Variants in FGF13 observed in about 807,000 individuals in gnomAD.
The protein encoded by FGF13 is fibroblast growth factor homologous factor 2.
A neutral mutation model predicts 19.5 loss-of-function variants in FGF13; 2 were observed. The observed-to-expected ratio is 0.10, with a 90% CI of 0.04 to 0.32. The LOEUF (loss-of-function observed/expected upper bound fraction) is 0.32, where lower values mean the gene tolerates loss of function less well. FGF13 is among the 10% of genes least tolerant of loss of function. The pLI is 1.00. For missense variants in FGF13, 113 were observed against 192.7 expected, an observed-to-expected ratio of 0.59 and a Z score of 2.45; for synonymous variants, 72 against 76.9, an observed-to-expected ratio of 0.94 and a Z score of 0.33.
chrX:138,891,906 T>G (rs928648377), intron 1 of FGF13, among the ~76,000 whole-genome samples: 1 of 110,807 alleles, frequency 9.0e-6, no homozygotes, highest in African/African-American at 3.3e-5. Context: ...CTGACTCTCC[T>G]TGCTCCCCAG....
chrX:138,678,683 T>C (rs1327672645), intron 3 of FGF13, among the ~76,000 whole-genome samples: 1 of 112,049 alleles, frequency 8.9e-6, no homozygotes, highest in Admixed American at 9.5e-5. Flanking sequence ...TAACATGAAC[T>C]TGAATGAATG....
chrX:139,170,325 T>C (rs1033428649), intron 1 of FGF13, among the ~76,000 whole-genome samples: 1 of 111,267 alleles, frequency 9.0e-6, no homozygotes, highest in African/African-American at 3.3e-5. Context: ...ATGATATTTC[T>C]AAAAGCACAC....
intron 1 of FGF13, among the ~76,000 whole-genome samples, chrX:139,040,947 A>G (rs1482827605): frequency 9.2e-6 from 1 of 109,050 alleles, no homozygotes; most frequent in Non-Finnish European, 1.9e-5. Context: ...CAGAAAACCA[A>G]TGCAGGAACA....
At chrX:138,823,199 T>C (rs918113278) in intron 3 of FGF13, among the ~76,000 whole-genome samples, 8 of 111,027 alleles carry the variant, frequency 7.2e-5, no homozygotes, top group African/African-American at 2.6e-4. Flanking sequence ...AGTTGTAATA[T>C]ATTAAACACT....
intron 1 of FGF13, among the ~76,000 whole-genome samples, chrX:139,052,999 G>T (rs2092307483): frequency 1.9e-5 from 2 of 105,142 alleles, no homozygotes; most frequent in African/African-American, 3.5e-5. Flanking sequence ...TTTATCCCTT[G>T]CCCCCCTCCC....
rs2088960437 is a variant in FGF13 at position 138,615,512 on chromosome X, T to C, written c.*17338A>G. 9.0e-6 allele frequency: 1 copy of C among 111,290 alleles called. No homozygotes were observed. The highest frequency in any genetic ancestry group is 9.6e-5 in the Admixed American group (1 of 10,432). 9.2% of individuals were successfully genotyped at this position (111,290 alleles called of 1,213,427 possible). ...ATAAGGTATAGGGAAGAGTCATATC[T>C]AGTATTTGGGAAACTGAAAGAAACC... On this transcript the variant is annotated 3_prime_UTR_variant, in exon 5 of 5. Coordinates refer to ENST00000315930, the MANE Select transcript of FGF13 (RefSeq NM_004114.5).
intron 3 of FGF13, among the ~76,000 whole-genome samples, chrX:138,782,500 G>A (rs2090653502): frequency 9.1e-6 from 1 of 110,076 alleles, no homozygotes; most frequent in South Asian, 4.0e-4. Context: ...AAAATCACAA[G>A]CATTCCTATA....
At chrX:138,965,432 G>C (rs7061825) in intron 1 of FGF13, among the ~76,000 whole-genome samples, 2,289 of 112,033 alleles carry the variant, frequency 0.02, 64 homozygotes, top group African/African-American at 0.071. Flanking sequence ...AATTAATGAA[G>C]GAATAAGTGA....
chrX:138,826,365 C>A (rs923712651), intron 3 of FGF13, among the ~76,000 whole-genome samples: 1 of 112,122 alleles, frequency 8.9e-6, no homozygotes, highest in South Asian at 3.7e-4. Context: ...AAATTTGGCA[C>A]ACCCCTTAAA....
intron 3 of FGF13, among the ~76,000 whole-genome samples, chrX:138,790,821 T>G (rs1297973520): frequency 8.9e-6 from 1 of 111,964 alleles, no homozygotes; most frequent in East Asian, 2.8e-4. Context: ...AAATGCACCA[T>G]AGTGTACCAA....
chrX:138,879,020 T>C (rs1197885797), intron 1 of FGF13, among the ~76,000 whole-genome samples: 3 of 111,787 alleles, frequency 2.7e-5, no homozygotes, highest in Admixed American at 9.5e-5. Context: ...TCTTGTACAT[T>C]TGTTTGAGTT....
chrX:138,694,223 A>T (rs998137690), intron 3 of FGF13, among the ~76,000 whole-genome samples: 10 of 111,101 alleles, frequency 9.0e-5, no homozygotes, highest in Non-Finnish European at 1.7e-4. Flanking sequence ...CATACTGAAC[A>T]TCTGAGGCAT....
At chrX:138,696,792 A>C (rs1215752445) in intron 3 of FGF13, among the ~76,000 whole-genome samples, 2 of 112,102 alleles carry the variant, frequency 1.8e-5, no homozygotes, top group Non-Finnish European at 3.8e-5. Context: ...ATCTGTAGCA[A>C]ATGCTGCATC....
chrX:138,944,144 G>A (rs1220585591), intron 1 of FGF13, among the ~76,000 whole-genome samples: 1 of 111,209 alleles, frequency 9.0e-6, no homozygotes, highest in Non-Finnish European at 1.9e-5. Flanking sequence ...AGAAGATTGA[G>A]ACTCAGGAAA....
intron 1 of FGF13, among the ~76,000 whole-genome samples, chrX:139,014,129 T>C (rs1449941967): frequency 9.0e-6 from 1 of 111,273 alleles, no homozygotes; most frequent in East Asian, 2.8e-4. Context: ...GGGAAGTTTA[T>C]AGCTATAAGT....
intron 1 of FGF13, among the ~76,000 whole-genome samples, chrX:138,907,910 C>CG (rs778712822): frequency 5.4e-5 from 6 of 110,801 alleles, no homozygotes; most frequent in African/African-American, 2.0e-4. Flanking sequence ...AGTCAGAAGA[C>CG]CTGAGTTTTA....
chrX:139,192,330 A>G (rs974774429), intron 1 of FGF13, among the ~76,000 whole-genome samples: 3 of 111,772 alleles, frequency 2.7e-5, no homozygotes, highest in African/African-American at 9.8e-5. Flanking sequence ...ATTGACATTT[A>G]TACATAATTT....
At chrX:139,052,532 C>A (rs1434434580) in intron 1 of FGF13, among the ~76,000 whole-genome samples, 5 of 112,083 alleles carry the variant, frequency 4.5e-5, no homozygotes, top group Non-Finnish European at 9.4e-5. Flanking sequence ...GAAACTCTTA[C>A]AAAATTGCCC....
At chrX:139,139,152 C>T (rs971749104) in intron 1 of FGF13, among the ~76,000 whole-genome samples, 4 of 110,585 alleles carry the variant, frequency 3.6e-5, no homozygotes, top group African/African-American at 9.9e-5. Context: ...AGGCTGGTCT[C>T]GAACTCCTGA....
Sources: allele counts gnomAD v4.1 joint callset (sites outside exome capture counted in the v4.1 genomes callset), GRCh38; gene constraint gnomAD v4.1.1; transcripts MANE v1.5; gene names NCBI Gene and HGNC (gene_info 2026-07-23, HGNC 2026-07-21).